LUZP2: variants seen among roughly 807,000 people sequenced by gnomAD.
The protein encoded by LUZP2 is leucine zipper protein 2.
A neutral mutation model predicts 51.6 loss-of-function variants in LUZP2; 52 were observed. The ratio of observed to expected loss-of-function variants is 1.01; its 90% CI spans 0.81 to 1.27. The LOEUF is 1.27. Among genes scored for constraint, LUZP2 ranks in the 50% most tolerant of loss-of-function variants. The pLI is 0.00. For missense variants in LUZP2, 436 were observed against 395.4 expected (o/e 1.10, Z -0.87); for synonymous variants, 154 against 137.3 (o/e 1.12, Z -0.85).
chr11:25,044,742 G>C (rs11028379), intron 9 of LUZP2, among the ~76,000 whole-genome samples: 2 of 151,660 alleles, frequency 1.3e-5, no homozygotes, highest in African/African-American at 2.4e-5. Flanking sequence ...ACATGCTGCT[G>C]TAAAGACACA....
chr11:25,053,408 A>C (rs577894782), intron 10 of LUZP2, among the ~76,000 whole-genome samples: 14 of 152,254 alleles, frequency 9.2e-5, no homozygotes, highest in Non-Finnish European at 1.8e-4. Context: ...AAAAAGCTTT[A>C]TTGAGATATA....
chr11:24,789,562 A>T (rs756662191), intron 5 of LUZP2, among the ~76,000 whole-genome samples: 1 of 152,196 alleles, frequency 6.6e-6, no homozygotes, highest in Non-Finnish European at 1.5e-5. Flanking sequence ...TTCTAGCCAC[A>T]TCTACCAATC....
intron 7 of LUZP2, among the ~76,000 whole-genome samples, chr11:24,927,965 G>A (rs184724216): frequency 3.4e-4 from 52 of 151,780 alleles, no homozygotes; most frequent in Non-Finnish European, 7.1e-4. Context: ...CCTTGGTTAG[G>A]TATATTCCTA....
chr11:24,607,341 CTTTTTT>C (rs57741208), intron 1 of LUZP2, among the ~76,000 whole-genome samples: 1 of 63,416 alleles, frequency 1.6e-5, no homozygotes, highest in Non-Finnish European at 3.1e-5. Flanking sequence ...GATATTATGT[CTTTTTT>C]TTTTTTTTTT....
At chr11:24,987,372 G>C (rs565127957) in intron 9 of LUZP2, among the ~76,000 whole-genome samples, 2 of 151,940 alleles carry the variant, frequency 1.3e-5, no homozygotes, top group South Asian at 4.2e-4. Context: ...TAGTGTCAGG[G>C]ATCATAATAG....
intron 4 of LUZP2, among the ~76,000 whole-genome samples, chr11:24,745,704 G>A (rs959067623): frequency 1.3e-5 from 2 of 151,736 alleles, no homozygotes; most frequent in African/African-American, 4.8e-5. Flanking sequence ...TTGAGATGGA[G>A]TCTTGCTCTG....
intron 5 of LUZP2, among the ~76,000 whole-genome samples, chr11:24,780,694 T>C (rs114044281): frequency 5.9e-5 from 9 of 152,260 alleles, no homozygotes; most frequent in African/African-American, 2.2e-4. Context: ...TTTACATGCA[T>C]TATGTCACTC....
chr11:24,598,138 C>T (rs940196273), intron 1 of LUZP2, among the ~76,000 whole-genome samples: 4 of 151,288 alleles, frequency 2.6e-5, no homozygotes, highest in Non-Finnish European at 5.9e-5. Context: ...TTATTAAGCA[C>T]CTGCTTTGTG....
chr11:24,674,636 C>T (rs1327669215), intron 1 of LUZP2, among the ~76,000 whole-genome samples: 1 of 152,096 alleles, frequency 6.6e-6, no homozygotes, highest in Non-Finnish European at 1.5e-5. Context: ...TGCTTATATG[C>T]AACCTTTGTC....
At chr11:24,705,771 A>T (rs1306600080) in intron 1 of LUZP2, among the ~76,000 whole-genome samples, 2 of 152,154 alleles carry the variant, frequency 1.3e-5, no homozygotes, top group Admixed American at 1.3e-4. Context: ...GACATTTTAC[A>T]TTTTCAAGAT....
At chr11:25,074,744 G>A (rs761442779) in intron 10 of LUZP2, among the ~76,000 whole-genome samples, 16 of 152,076 alleles carry the variant, frequency 1.1e-4, no homozygotes, top group African/African-American at 2.7e-4. Flanking sequence ...CTAGCATGCC[G>A]ATTAAAAATG....
chr11:25,016,164 C>T (rs1376460861), intron 9 of LUZP2, among the ~76,000 whole-genome samples: 1 of 152,068 alleles, frequency 6.6e-6, no homozygotes, highest in Non-Finnish European at 1.5e-5. Flanking sequence ...TCATGATCCG[C>T]CCACTTCGGC....
At chr11:24,719,683 A>C (rs920506914) in intron 1 of LUZP2, among the ~76,000 whole-genome samples, 4 of 152,240 alleles carry the variant, frequency 2.6e-5, no homozygotes, top group Admixed American at 1.3e-4. Context: ...CAAGAAGTGA[A>C]GTATATTTAC....
intron 1 of LUZP2, among the ~76,000 whole-genome samples, chr11:24,697,964 A>G (rs1244466429): frequency 2.0e-5 from 3 of 152,076 alleles, no homozygotes; most frequent in African/African-American, 4.8e-5. Flanking sequence ...CTCAATGCAC[A>G]AAGACCGTTC....
intron 5 of LUZP2, among the ~76,000 whole-genome samples, chr11:24,863,933 C>A (rs1187538257): frequency 6.6e-6 from 1 of 151,924 alleles, no homozygotes; most frequent in Non-Finnish European, 1.5e-5. Context: ...GACAATTGAA[C>A]AAATTGTAAT....
At chr11:25,007,565 T>C (rs897337022) in intron 9 of LUZP2, among the ~76,000 whole-genome samples, 2 of 152,084 alleles carry the variant, frequency 1.3e-5, no homozygotes, top group African/African-American at 4.8e-5. Flanking sequence ...CTCACACCAC[T>C]GTACTCCAGC....
intron 5 of LUZP2, among the ~76,000 whole-genome samples, chr11:24,780,190 G>A (rs143720806): frequency 1.6e-4 from 25 of 152,266 alleles, no homozygotes; most frequent in African/African-American, 4.8e-4. Flanking sequence ...ACTTAAGTGT[G>A]TTTTATGATG....
intron 9 of LUZP2, among the ~76,000 whole-genome samples, chr11:25,019,904 T>C (rs1253724161): frequency 6.6e-6 from 1 of 150,804 alleles, no homozygotes; most frequent in Non-Finnish European, 1.5e-5. Flanking sequence ...TATTGGCATA[T>C]TGTTTTGATG....
intron 1 of LUZP2, among the ~76,000 whole-genome samples, chr11:24,541,415 C>T (rs1003342288): frequency 3.3e-5 from 5 of 152,032 alleles, no homozygotes; most frequent in South Asian, 2.1e-4. Flanking sequence ...TGACAGTTAA[C>T]TTGGTGACTG....
Sources: allele counts gnomAD v4.1 joint callset (sites outside exome capture counted in the v4.1 genomes callset), GRCh38; gene constraint gnomAD v4.1.1; transcripts MANE v1.5; gene names NCBI Gene and HGNC (gene_info 2026-07-23, HGNC 2026-07-21).